The following PDE4B variants were observed in gnomAD, a reference collection of about 807,000 sequenced individuals.
The protein encoded by PDE4B is 3',5'-cyclic-AMP phosphodiesterase 4B.
PDE4B carries 20 observed loss-of-function variants against 82.2 expected under a neutral mutation model. The ratio of observed to expected loss-of-function variants is 0.24; its 90% CI spans 0.17 to 0.35. The LOEUF (loss-of-function observed/expected upper bound fraction) is 0.35, where lower values mean the gene tolerates loss of function less well. PDE4B is among the 10% of genes least tolerant of loss of function. The pLI, the probability that PDE4B is intolerant of heterozygous loss-of-function variation, is 1.00. For synonymous variants in PDE4B, 320 were observed against 318.9 expected (o/e 1.00, Z -0.04); for missense variants, 655 against 907.2 (o/e 0.72, Z 3.57).
intron 1 of PDE4B, among the ~76,000 whole-genome samples, chr1:65,861,515 G>T (rs1390158568): frequency 6.6e-6 from 1 of 152,128 alleles, no homozygotes; most frequent in Admixed American, 6.6e-5. Flanking sequence ...GCTTAGGATT[G>T]TCTTAGCTAT....
intron 3 of PDE4B, among the ~76,000 whole-genome samples, chr1:66,226,145 A>C (rs1267970902): frequency 1.3e-5 from 2 of 152,202 alleles, no homozygotes; most frequent in Admixed American, 1.3e-4. Context: ...TTAATTTTTT[A>C]AAGCTGAGCA....
intron 3 of PDE4B, among the ~76,000 whole-genome samples, chr1:66,168,046 C>G (rs1188416320): frequency 6.6e-6 from 1 of 152,180 alleles, no homozygotes; most frequent in East Asian, 1.9e-4. Context: ...AACATTCACT[C>G]TGACCCAAAA....
intron 1 of PDE4B, among the ~76,000 whole-genome samples, chr1:65,887,526 T>TC (rs1646804543): frequency 7.2e-6 from 1 of 139,676 alleles, no homozygotes; most frequent in African/African-American, 2.7e-5. Context: ...CCAGAGATCT[T>TC]CCCACCTTAG....
At chr1:66,345,055 T>C (rs969260387) in intron 8 of PDE4B, among the ~76,000 whole-genome samples, 1 of 152,206 alleles carries the variant, frequency 6.6e-6, no homozygotes, top group Non-Finnish European at 1.5e-5. Flanking sequence ...ACAGCGCTCT[T>C]ACCTGTGTTC....
intron 3 of PDE4B, among the ~76,000 whole-genome samples, chr1:66,110,298 A>G (rs865999472): frequency 4.6e-5 from 7 of 151,994 alleles, no homozygotes; most frequent in African/African-American, 1.4e-4. Flanking sequence ...AGATGGAAGT[A>G]TTTGGAGGGA....
chr1:66,187,562 G>T (rs1035017210), intron 3 of PDE4B, among the ~76,000 whole-genome samples: 15 of 152,236 alleles, frequency 9.9e-5, no homozygotes. Flanking sequence ...TTAGTCTTGG[G>T]AGGGCATATG....
At chr1:66,226,061 T>G (rs1030257374) in intron 3 of PDE4B, among the ~76,000 whole-genome samples, 1 of 152,250 alleles carries the variant, frequency 6.6e-6, no homozygotes, top group African/African-American at 2.4e-5. Flanking sequence ...GGAAGTGAAG[T>G]TGTGCAGTGC....
At chr1:65,892,900 C>A (rs1422747655) in intron 1 of PDE4B, among the ~76,000 whole-genome samples, 4 of 151,998 alleles carry the variant, frequency 2.6e-5, no homozygotes, top group African/African-American at 4.8e-5. Context: ...AAATTCACTA[C>A]TCAGACAGTA....
intron 7 of PDE4B, among the ~76,000 whole-genome samples, chr1:66,304,409 C>T (rs1658125736): frequency 6.6e-6 from 1 of 152,148 alleles, no homozygotes; most frequent in Admixed American, 6.6e-5. Flanking sequence ...CATTTTTACT[C>T]TTTCATTTCC....
At chr1:66,243,385 G>A (rs72641147) in intron 3 of PDE4B, among the ~76,000 whole-genome samples, 1 of 152,104 alleles carries the variant, frequency 6.6e-6, no homozygotes, top group Admixed American at 6.5e-5. Flanking sequence ...TGACCCAGGT[G>A]CCTGGGATAC....
chr1:65,852,484 T>C (rs1182227351), intron 1 of PDE4B, among the ~76,000 whole-genome samples: 8 of 151,944 alleles, frequency 5.3e-5, no homozygotes, highest in Non-Finnish European at 1.5e-5. Context: ...TTCTATCTAG[T>C]TGAGCTTACT....
At chr1:66,324,027 C>G (rs769463738) in intron 7 of PDE4B, among the ~76,000 whole-genome samples, 12 of 152,134 alleles carry the variant, frequency 7.9e-5, no homozygotes, top group Non-Finnish European at 1.5e-4. Flanking sequence ...TGGATGAGAA[C>G]AGATTCTCGT....
intron 1 of PDE4B, among the ~76,000 whole-genome samples, chr1:65,905,775 AC>A (rs1349282568): frequency 6.6e-6 from 1 of 151,984 alleles, no homozygotes; most frequent in East Asian, 1.9e-4. Context: ...CACCTAATGA[AC>A]CCATGATCTG....
At chr1:66,347,225 C>A (rs1416413152) in intron 8 of PDE4B, among the ~76,000 whole-genome samples, 1 of 152,166 alleles carries the variant, frequency 6.6e-6, no homozygotes, top group African/African-American at 2.4e-5. Flanking sequence ...TTGTTCAAAG[C>A]ATCTCTCCAT....
chr1:65,823,396 T>C (rs1374080064), intron 1 of PDE4B, among the ~76,000 whole-genome samples: 4 of 70,448 alleles, frequency 5.7e-5, no homozygotes, highest in East Asian at 8.4e-4. Context: ...ACTCCATCTC[T>C]AAAAAAAAAA....
intron 3 of PDE4B, among the ~76,000 whole-genome samples, chr1:65,952,407 G>T (rs115478148): frequency 1.3e-5 from 2 of 152,132 alleles, no homozygotes; most frequent in South Asian, 2.1e-4. Context: ...TAGGCCAGGC[G>T]CGATGGCTCA....
chr1:66,113,507 T>C (rs1019769543), intron 3 of PDE4B, among the ~76,000 whole-genome samples: 1 of 152,188 alleles, frequency 6.6e-6, no homozygotes, highest in African/African-American at 2.4e-5. Context: ...TAAGATAATT[T>C]TAATCACTGA....
At chr1:66,225,611 A>T (rs1468516043) in intron 3 of PDE4B, among the ~76,000 whole-genome samples, 1 of 152,234 alleles carries the variant, frequency 6.6e-6, no homozygotes, top group Non-Finnish European at 1.5e-5. Context: ...AGTTCCAGCC[A>T]GAATTCAACT....
At chr1:66,360,773 G>A (rs900530868) in intron 9 of PDE4B, 1 of 152,146 alleles carries the variant, frequency 6.6e-6, no homozygotes, top group Non-Finnish European at 1.5e-5. Flanking sequence ...AAAGGAAAGA[G>A]CTTCTATAAG....
Sources: gnomAD v4.1 joint callset for allele counts (sites outside exome capture counted in the v4.1 genomes callset) on GRCh38, gnomAD v4.1.1 for gene constraint, MANE v1.5 for transcripts, NCBI Gene and HGNC (gene_info 2026-07-23, HGNC 2026-07-21) for gene names.